The following HDAC8 variants were observed in gnomAD, a reference collection of about 807,000 sequenced individuals.
The protein encoded by HDAC8 is histone deacetylase-like 1.
A neutral mutation model predicts 32.2 loss-of-function variants in HDAC8; 1 was observed. The ratio of observed to expected loss-of-function variants is 0.03; its 90% CI spans 0.01 to 0.15. The LOEUF (loss-of-function observed/expected upper bound fraction) is 0.15, where lower values mean the gene tolerates loss of function less well. Ranked by LOEUF, HDAC8 falls within the 10% of genes least tolerant of loss-of-function variation. The pLI, the probability that HDAC8 is intolerant of heterozygous loss-of-function variation, is 1.00. For synonymous variants in HDAC8, 108 were observed against 113.9 expected (o/e 0.95, Z 0.33); for missense variants, 117 against 300.0 (o/e 0.39, Z 4.51).
At chrX:72,567,861 T>A in intron 4 of HDAC8, 28 bp downstream of exon 4, 1 of 1,208,979 alleles carries the variant, frequency 8.3e-7, no homozygotes, top group Non-Finnish European at 1.1e-6. Context: ...AAGGAAAGAG[T>A]CAGAAAACAG....
chrX:72,335,274 A>G (rs782552741), intron 10 of HDAC8, among the ~76,000 whole-genome samples: 9 of 112,279 alleles, frequency 8.0e-5, no homozygotes, highest in Non-Finnish European at 1.7e-4. Context: ...ATATAATGTT[A>G]TGTATCCACC....
intron 10 of HDAC8, among the ~76,000 whole-genome samples, chrX:72,349,605 T>C (rs782189717): frequency 1.8e-5 from 2 of 112,382 alleles, no homozygotes; most frequent in Non-Finnish European, 3.8e-5. Flanking sequence ...TCATGTCCTT[T>C]GAGATCTGTT....
chrX:72,478,244 C>T lies in HDAC8; in HGVS notation c.737+10689G>A, dbSNP rs782536978. ...TAATTACAAATGATTCTTAAAGCCC[C>T]TTCCCTGAGGTGCTGTACTATGCTG... On this transcript the variant is annotated intron_variant, in intron 7 of 10. Transcript: ENST00000373573. Among the ~76,000 whole-genome samples the T allele has an allele frequency of 5.6e-4, 63 of 112,429 alleles. 1 individual carries two copies. The highest frequency in any genetic ancestry group is 2.0e-3 in the African/African-American group (63 of 31,011).
At chrX:72,457,539 T>C (rs1555990121) in intron 9 of HDAC8, among the ~76,000 whole-genome samples, 1 of 112,417 alleles carries the variant, frequency 8.9e-6, no homozygotes, top group Non-Finnish European at 1.9e-5. Context: ...GAAAAGTCAA[T>C]TGTCCTTCAA....
intron 9 of HDAC8, among the ~76,000 whole-genome samples, chrX:72,375,103 C>T (rs1369875146): frequency 2.7e-5 from 3 of 111,956 alleles, no homozygotes; most frequent in Admixed American, 9.4e-5. Flanking sequence ...GGATTATAGG[C>T]GTGAGCCACT....
chrX:72,551,249 T>C (rs1168731337), intron 4 of HDAC8, among the ~76,000 whole-genome samples: 2 of 111,693 alleles, frequency 1.8e-5, no homozygotes, highest in Non-Finnish European at 3.8e-5. Context: ...GGAACACTAA[T>C]GAAGTCCTTG....
intron 7 of HDAC8, among the ~76,000 whole-genome samples, chrX:72,471,249 C>T (rs1233332636): frequency 8.9e-6 from 1 of 112,460 alleles, no homozygotes; most frequent in Non-Finnish European, 1.9e-5. Context: ...GATGTTATTT[C>T]CACTTTTTGG....
chrX:72,503,378 G>A (rs1158665375), intron 4 of HDAC8, among the ~76,000 whole-genome samples: 3 of 112,255 alleles, frequency 2.7e-5, no homozygotes, highest in African/African-American at 9.7e-5. Flanking sequence ...CTAACCCAAG[G>A]TGGAGTGGAA....
At chrX:72,559,216 C>T (rs2051408597) in intron 4 of HDAC8, among the ~76,000 whole-genome samples, 1 of 106,185 alleles carries the variant, frequency 9.4e-6, no homozygotes, top group Non-Finnish European at 1.9e-5. Flanking sequence ...GGATTGCAGG[C>T]GTGCTGCCAC....
chrX:72,438,646 C>T (rs2047024679), intron 9 of HDAC8, among the ~76,000 whole-genome samples: 1 of 110,876 alleles, frequency 9.0e-6, no homozygotes, highest in Non-Finnish European at 1.9e-5. Flanking sequence ...AAAAACACAG[C>T]ACGAGAATTT....
chrX:72,572,330 G>A, intron 1 of HDAC8: 2 of 420,097 alleles, frequency 4.8e-6, no homozygotes, highest in Non-Finnish European at 8.1e-6. Flanking sequence ...TTAGGCAGGT[G>A]ATGGAACACC....
intron 7 of HDAC8, among the ~76,000 whole-genome samples, chrX:72,487,928 C>A (rs1182234383): frequency 2.1e-5 from 2 of 96,962 alleles, no homozygotes; most frequent in African/African-American, 8.1e-5. Context: ...CCATTGATGG[C>A]AGGCTCCAAA....
chrX:72,477,824 G>T (rs1240586937), intron 7 of HDAC8, among the ~76,000 whole-genome samples: 2 of 112,428 alleles, frequency 1.8e-5, no homozygotes, highest in Non-Finnish European at 3.8e-5. Context: ...GTGTCTGGTG[G>T]ATCATTTAGG....
chrX:72,387,890 G>A (rs2045490406), intron 9 of HDAC8, among the ~76,000 whole-genome samples: 1 of 110,844 alleles, frequency 9.0e-6, no homozygotes, highest in South Asian at 3.9e-4. Flanking sequence ...AAGGTCTCAA[G>A]TTAACTATGT....
intron 9 of HDAC8, among the ~76,000 whole-genome samples, chrX:72,356,579 CTT>C (rs1182704223): frequency 9.7e-6 from 1 of 103,085 alleles, no homozygotes. Context: ...ATACTGCAAG[CTT>C]TTTTTTTTTT....
At chrX:72,556,501 A>C (rs2051287172) in intron 4 of HDAC8, among the ~76,000 whole-genome samples, 2 of 111,595 alleles carry the variant, frequency 1.8e-5, no homozygotes, top group Non-Finnish European at 3.8e-5. Flanking sequence ...TGCTATCTTC[A>C]GGAGACTCAC....
At chrX:72,466,946 G>A (rs2048033501) in intron 7 of HDAC8, 1 of 111,469 alleles carries the variant, frequency 9.0e-6, no homozygotes, top group African/African-American at 3.3e-5. Context: ...AATTGTGCTG[G>A]GTCAAGAAGG....
Position 72,478,965 on chromosome X carries a change from C to A in HDAC8, c.737+9968G>T, listed in dbSNP as rs781852426. ...AGCCACTGTGCTCGGCCCTTTAGTT[C>A]TTCTTTAAGTACCAATGGACATGGC... On this transcript the variant is annotated intron_variant, in intron 7 of 10. Coordinates refer to ENST00000373573, the MANE Select transcript of HDAC8 (RefSeq NM_018486.3). 1.6e-4 allele frequency among the ~76,000 whole-genome samples: 18 copies of A among 111,297 alleles called. No individual in the cohort carries two copies. The South Asian group carries it at 6.1e-3, about 38-fold the overall frequency.
At chrX:72,464,307 A>G (rs2047950515) in intron 8 of HDAC8, among the ~76,000 whole-genome samples, 1 of 111,898 alleles carries the variant, frequency 8.9e-6, no homozygotes, top group South Asian at 3.8e-4. Flanking sequence ...TAACCAGAGG[A>G]TCTTTGCTTC....
Sources: allele counts gnomAD v4.1 joint callset (sites outside exome capture counted in the v4.1 genomes callset), GRCh38; gene constraint gnomAD v4.1.1; transcripts MANE v1.5; gene names NCBI Gene and HGNC (gene_info 2026-07-23, HGNC 2026-07-21).